The following KLHL25 variants were observed in gnomAD, a reference collection of about 807,000 sequenced individuals.
KLHL25 encodes the protein kelch like family member 25.
A neutral mutation model predicts 30.0 loss-of-function variants in KLHL25; 41 were observed. That is an observed-to-expected ratio of 1.37 (90% confidence interval 1.07 to 1.78). The LOEUF is 1.78. KLHL25 is among the 40% of genes most tolerant of loss of function. KLHL25 has a pLI of 0.00. For missense variants in KLHL25, 971 were observed against 824.5 expected (o/e 1.18, Z -2.18); for synonymous variants, 399 against 355.3 (o/e 1.12, Z -1.38).
intron 2 of KLHL25, among the ~76,000 whole-genome samples, chr15:85,765,781 G>A (rs1302678032): frequency 6.8e-6 from 1 of 147,656 alleles, no homozygotes; most frequent in Non-Finnish European, 1.5e-5. Context: ...GCAGTGAGCA[G>A]AGATCGTACC....
intron 2 of KLHL25, among the ~76,000 whole-genome samples, chr15:85,765,256 G>T (rs949298308): frequency 6.6e-6 from 1 of 152,158 alleles, no homozygotes; most frequent in African/African-American, 2.4e-5. Context: ...GGAGATGCCA[G>T]TATCCTCTTG....
chr15:85,765,818 G>C (rs1378510434), intron 2 of KLHL25, among the ~76,000 whole-genome samples: 2 of 136,572 alleles, frequency 1.5e-5, no homozygotes, highest in Non-Finnish European at 3.1e-5. Flanking sequence ...GTGACAGAGC[G>C]AGACTGTCTC....
intron 1 of KLHL25, among the ~76,000 whole-genome samples, chr15:85,777,094 T>C (rs2089714424): frequency 6.6e-6 from 1 of 152,166 alleles, no homozygotes; most frequent in Admixed American, 6.5e-5. Context: ...TTGGCCCCCA[T>C]GCCTCCTGCA....
intron 1 of KLHL25, among the ~76,000 whole-genome samples, chr15:85,776,556 A>G (rs561802433): frequency 3.9e-4 from 60 of 152,288 alleles, no homozygotes; most frequent in African/African-American, 1.4e-3. Flanking sequence ...CTTGTTATTT[A>G]AACTGTAACT....
rs201475424 is a variant in KLHL25 at position 85,769,826 on chromosome 15, G to C, written c.-10-6C>G. On this transcript the variant is annotated splice_region_variant and splice_polypyrimidine_tract_variant and intron_variant, in intron 1 of 2. Transcript: ENST00000337975. The stretch of plus-strand genomic sequence containing the variant: ...TGACCGACATGGTGCGTCAGCTTGT[G>C]GGGGAACAAGCCCACAGGTTAGAGG... The C allele has an allele frequency of 1.3e-5, 20 of 1,594,398 alleles. No individual in the cohort carries two copies. The highest frequency in any genetic ancestry group is 4.0e-5 in the African/African-American group (3 of 74,780).
At chr15:85,773,616 A>G (rs2089691482) in intron 1 of KLHL25, among the ~76,000 whole-genome samples, 1 of 152,034 alleles carries the variant, frequency 6.6e-6, no homozygotes, top group Non-Finnish European at 1.5e-5. Flanking sequence ...CTGATGAGCT[A>G]GTGTCATCCT....
intron 2 of KLHL25, among the ~76,000 whole-genome samples, chr15:85,766,935 T>C (rs575327123): frequency 3.0e-4 from 46 of 151,936 alleles, no homozygotes; most frequent in African/African-American, 8.0e-4. Context: ...TGTTTACAGT[T>C]AACAGTTTTT....
intron 2 of KLHL25, chr15:85,762,761 C>A (rs2089591752): frequency 6.6e-6 from 1 of 152,312 alleles, no homozygotes; most frequent in African/African-American, 2.4e-5. Flanking sequence ...ACTTGCTTAG[C>A]CAGGCCCAAC....
chr15:85,788,796 T>G (rs944210898), intron 1 of KLHL25, among the ~76,000 whole-genome samples: 2 of 152,164 alleles, frequency 1.3e-5, no homozygotes, highest in African/African-American at 4.8e-5. Flanking sequence ...CCTTTCTCCC[T>G]CAGATTTCCA....
intron 1 of KLHL25, among the ~76,000 whole-genome samples, chr15:85,788,194 T>G (rs1281813814): frequency 6.6e-6 from 1 of 151,996 alleles, no homozygotes; most frequent in African/African-American, 2.4e-5. Context: ...GTCTGGCACC[T>G]CTCTGTGCCT....
At chr15:85,786,120 C>T (rs1012467920) in intron 1 of KLHL25, among the ~76,000 whole-genome samples, 6 of 152,206 alleles carry the variant, frequency 3.9e-5, no homozygotes, top group African/African-American at 1.2e-4. Context: ...TTCTCCTGCT[C>T]ACTAGCTGCA....
rs780541573 is a variant in KLHL25 at position 85,768,574 on chromosome 15, G to A, written c.1237C>T (p.Gln413Ter). Residue 413 changes from glutamine to a stop codon, truncating the protein, a stop_gained, in exon 2 of 3, where the codon CAA becomes TAA. Coordinates refer to ENST00000337975, the MANE Select transcript of KLHL25 (RefSeq NM_022480.4). LOFTEE classifies it high-confidence loss of function. Reference sequence around the variant, plus strand: ...GCCCCAGGGTCGTATTTCTCCACTTGTTTCAGGGAGACAGAAGGCGAGGCC... The same window carrying A: ...GCCCCAGGGTCGTATTTCTCCACTTATTTCAGGGAGACAGAAGGCGAGGCC... ...FPASPSVSLK[Q>*]VEKYDPGANK... 2 of 1,612,422 alleles carry A rather than the reference G, an allele frequency of 1.2e-6. No homozygotes were observed. The highest frequency in any genetic ancestry group is 2.2e-5 in the South Asian group (2 of 91,012).
chr15:85,786,232 T>C (rs1003381192), intron 1 of KLHL25, among the ~76,000 whole-genome samples: 1 of 152,264 alleles, frequency 6.6e-6, no homozygotes, highest in East Asian at 1.9e-4. Context: ...GTCCCTGAGA[T>C]TGTTCCAAGT....
intron 2 of KLHL25, among the ~76,000 whole-genome samples, chr15:85,765,868 A>G (rs191063273): frequency 6.6e-6 from 1 of 151,834 alleles, no homozygotes; most frequent in African/African-American, 2.4e-5. Context: ...AAAATAAAAG[A>G]AAAAAGAAAA....
chr15:85,775,861 G>C (rs568039349), intron 1 of KLHL25, among the ~76,000 whole-genome samples: 1 of 89,038 alleles, frequency 1.1e-5, no homozygotes, highest in South Asian at 4.8e-4. Flanking sequence ...TCAATGGCTC[G>C]TTTAAAAAAA....
At position 85,769,243 on chromosome 15, in the gene KLHL25, T is replaced by C; in HGVS notation, c.568A>G (p.Lys190Glu). Residue 190 changes from lysine (K) to glutamate (E), a missense_variant, in exon 2 of 3, where the codon AAG becomes GAG. By Grantham distance (56) the Lys-to-Glu change is moderately conservative. Coordinates refer to ENST00000337975, the MANE Select transcript of KLHL25 (RefSeq NM_022480.4). ...GAGATGAGGTCCAGCAGTGTGTCCT[T>C]GGACAGGCTGTTGAAGTCCTCGCTC... ...RQSEDFNSLS[K>E]DTLLDLISSD... 1.2e-6 allele frequency: 2 copies of C among 1,613,854 alleles called. No individual in the cohort carries two copies. The highest frequency in any genetic ancestry group is 1.7e-6 in the Non-Finnish European group (2 of 1,180,036).
Position 85,768,120 on chromosome 15 carries a change from G to A in KLHL25, c.1691C>T (p.Thr564Ile). 1 of 1,614,226 alleles carries A rather than the reference G, an allele frequency of 6.2e-7. No homozygotes were observed. Among genetic ancestry groups the A allele is most frequent in the Non-Finnish European group, 8.5e-7 (1 of 1,180,038 alleles). ...TLDCYDPTSDTWNCITTVPYS... is the reference protein window; with the variant it reads ...TLDCYDPTSDIWNCITTVPYS... ...GGGCACTGTGGTGATGCAGTTCCAT[G>A]TATCTGAAGTGGGGTCATAGCAGTC... is the stretch of plus-strand genomic sequence containing the variant. Residue 564 changes from threonine (T) to isoleucine (I), a missense_variant, in exon 2 of 3, where the codon ACA becomes ATA. Coordinates refer to ENST00000337975, the MANE Select transcript of KLHL25 (RefSeq NM_022480.4).
In KLHL25 at chr15:85,765,891, T is replaced by C. The variant is rs150422262; in HGVS notation, c.*24+2126A>G. On this transcript the variant is annotated intron_variant, in intron 2 of 2. Coordinates refer to ENST00000337975, the MANE Select transcript of KLHL25 (RefSeq NM_022480.4). ...AGAAAAAAGAAAACTGGTGTTCCTA[T>C]TCAGGCTGGCCTCTGTGAGCCCAAA... Among the ~76,000 whole-genome samples the C allele has an allele frequency of 2.9e-4, 44 of 152,088 alleles. No individual in the cohort carries two copies. In the East Asian group the frequency reaches 6.4e-3, roughly 22 times the overall value.
At chr15:85,771,044 G>T in intron 1 of KLHL25, 1 of 195,602 alleles carries the variant, frequency 5.1e-6, no homozygotes. Flanking sequence ...CTGCCCCACT[G>T]ACCTGTGGAA....
Sources: gnomAD v4.1 joint callset for allele counts (sites outside exome capture counted in the v4.1 genomes callset) on GRCh38, gnomAD v4.1.1 for gene constraint, MANE v1.5 for transcripts, NCBI Gene and HGNC (gene_info 2026-07-23, HGNC 2026-07-21) for gene names.